Variants in MCM3AP observed in about 807,000 individuals in gnomAD.
MCM3AP encodes the protein germinal-center associated nuclear protein.
Under a neutral mutation model 184.1 loss-of-function variants are expected in MCM3AP, and 126 were observed. That is an observed-to-expected ratio of 0.68 (90% confidence interval 0.59 to 0.79). MCM3AP has a LOEUF of 0.79. MCM3AP is among the 30% of genes least tolerant of loss of function. MCM3AP has a pLI of 0.00. For missense variants in MCM3AP, 2,496 were observed against 2,479.2 expected (o/e 1.01, Z -0.14); for synonymous variants, 1,002 against 979.3 (o/e 1.02, Z -0.43).
intron 6 of MCM3AP, 26 bp downstream of exon 6, chr21:46,275,160 C>A: frequency 3.1e-6 from 5 of 1,602,274 alleles, no homozygotes; most frequent in Non-Finnish European, 3.4e-6. Context: ...CCTGCCCACA[C>A]TCCACGGGGA....
intron 13 of MCM3AP, among the ~76,000 whole-genome samples, chr21:46,263,055 T>C (rs1011061385): frequency 2.8e-5 from 4 of 140,502 alleles, no homozygotes; most frequent in African/African-American, 8.0e-5. Flanking sequence ...CAAGGCCAGG[T>C]GCGGTGGCTC....
chr21:46,249,230 AACACCGGAGTGCAGTGGTGCGATC>A (rs2080830234), intron 20 of MCM3AP, among the ~76,000 whole-genome samples: 1 of 152,182 alleles, frequency 6.6e-6, no homozygotes, highest in African/African-American at 2.4e-5. Flanking sequence ...TTCCTCTGTC[AACACCGGAGTGCAGTGGTGCGATC>A]ACGGCTCACT....
At chr21:46,275,112 A>C (rs958708412) in intron 6 of MCM3AP, 74 bp downstream of exon 6, 6 of 1,482,160 alleles carry the variant, frequency 4.0e-6, no homozygotes, top group Non-Finnish European at 4.5e-6. Flanking sequence ...AAACACCCAA[A>C]TCAAGTATGT....
chr21:46,235,720 C>A (rs1017541305), intron 27 of MCM3AP, among the ~76,000 whole-genome samples: 11 of 152,178 alleles, frequency 7.2e-5, no homozygotes, highest in African/African-American at 2.7e-4. Context: ...TTACTGCAGC[C>A]TCAAACTCCT....
intron 23 of MCM3AP, 77 bp from the exon 24 acceptor site, chr21:46,243,799 G>A (rs779338116): frequency 2.2e-5 from 32 of 1,462,346 alleles, no homozygotes; most frequent in Non-Finnish European, 2.9e-5. Context: ...ATTTTCTCAG[G>A]AGAAGGCAAC....
chr21:46,241,892 T>C (rs900435141), intron 25 of MCM3AP: 1 of 152,130 alleles, frequency 6.6e-6, no homozygotes, highest in Non-Finnish European at 1.5e-5. Context: ...AGATGAACAG[T>C]TTTTAGAGTA....
In MCM3AP at chr21:46,266,982, C is replaced by T; in HGVS notation, c.2789G>A (p.Gly930Asp). 1 of 1,614,074 alleles carries T rather than the reference C, an allele frequency of 6.2e-7. No individual in the cohort carries two copies. Among genetic ancestry groups the T allele is most frequent in the Non-Finnish European group, 8.5e-7 (1 of 1,179,998 alleles). Residue 930 changes from glycine (G) to aspartate (D), a missense_variant and splice_region_variant, in exon 10 of 28, where the codon GGC becomes GAC. Physicochemically the swap from Gly to Asp is moderately conservative, Grantham distance 94. Coordinates refer to ENST00000291688, the MANE Select transcript of MCM3AP (RefSeq NM_003906.5). ...LTCHGLTVSD[G>D]CVELNRSAFL... The stretch of plus-strand genomic sequence containing the variant: ...CCACAGTTCCATTCTCAGCTCTTAC[C>T]CGTCGGAAACGGTGAGGCCGTGGCA...
rs142544536 is a variant in MCM3AP at position 46,284,139 on chromosome 21, G to T, written c.1148C>A (p.Ser383Tyr). The T allele has an allele frequency of 6.2e-7, 1 of 1,614,112 alleles. No individual in the cohort carries two copies. The highest frequency in any genetic ancestry group is 1.3e-5 in the African/African-American group (1 of 74,938). The change falls in exon 1 of 28, where the codon TCT becomes TAT. Residue 383 changes from serine to tyrosine, a missense_variant. Physicochemically the swap from Ser to Tyr is moderately radical, Grantham distance 144. This residue lies in a region of MCM3AP where 800 missense variants were observed against 717.1 expected (regional missense o/e 1.12). Coordinates refer to ENST00000291688, the MANE Select transcript of MCM3AP (RefSeq NM_003906.5). The stretch of plus-strand genomic sequence containing the variant: ...TGGAATCCGGGAAGGTGCCAGGACA[G>T]ACTGATTCCCTCCTGGGATAGCCAT... ...DHMAIPGGNQ[S>Y]VLAPSRIPGV...
chr21:46,242,078 T>C (rs975091952), intron 25 of MCM3AP: 24 of 152,316 alleles, frequency 1.6e-4, no homozygotes, highest in African/African-American at 5.3e-4. Flanking sequence ...AGAATGGTTC[T>C]ATGGACTTGA....
intron 20 of MCM3AP, chr21:46,247,126 T>A: frequency 2.4e-6 from 1 of 422,516 alleles, no homozygotes; most frequent in East Asian, 3.7e-5. Context: ...CCTCAACCTT[T>A]TTTTTTTTTT....
chr21:46,277,912 TTAATA>T (rs1238452480), intron 4 of MCM3AP, among the ~76,000 whole-genome samples, 195 bp from the exon 5 acceptor site: 1 of 152,158 alleles, frequency 6.6e-6, no homozygotes, highest in African/African-American at 2.4e-5. Context: ...CTCACTGACT[TTAATA>T]TAATTTTGAA....
intron 19 of MCM3AP, 124 bp downstream of exon 19, chr21:46,254,267 AT>A (rs780592125): frequency 8.1e-6 from 8 of 987,430 alleles, no homozygotes; most frequent in East Asian, 4.9e-5. Context: ...AAATCCAAGC[AT>A]TAAAACATAA....
intron 9 of MCM3AP, 187 bp from the exon 10 acceptor site, chr21:46,267,329 T>C (rs1224217605): frequency 1.4e-5 from 8 of 584,708 alleles, no homozygotes; most frequent in Non-Finnish European, 2.1e-5. Context: ...TCAGGGGCAG[T>C]GCTCAGGAAT....
At position 46,267,134 on chromosome 21, in the gene MCM3AP, C is replaced by T. The variant is rs1329501359; in HGVS notation, c.2637G>A (p.Lys879=). The part of the protein sequence containing the change: ...LLHCYFSQIR[K]DALRALNFAY... ...CAAAGTTGAGCGCCCGGAGAGCATC[C>T]TTGCGGATCTGAGAGGAGGAGCGAA... The change falls in exon 10 of 28, where the codon AAG becomes AAA. Residue 879 remains lysine, a synonymous_variant. Coordinates refer to ENST00000291688, the MANE Select transcript of MCM3AP (RefSeq NM_003906.5). 1 of 1,613,460 alleles carries T rather than the reference C, an allele frequency of 6.2e-7. No homozygotes were observed. Among genetic ancestry groups the T allele is most frequent in the South Asian group, 1.1e-5 (1 of 90,894 alleles).
chr21:46,261,202 A>G, intron 14 of MCM3AP, 78 bp downstream of exon 14: 1 of 1,541,264 alleles, frequency 6.5e-7, no homozygotes, highest in Non-Finnish European at 8.9e-7. Context: ...CAATAGCAGG[A>G]GCATCGTGGC....
intron 9 of MCM3AP, 26 bp downstream of exon 9, chr21:46,270,375 T>C: frequency 1.3e-6 from 2 of 1,588,894 alleles, no homozygotes; most frequent in South Asian, 1.2e-5. Context: ...TTCTTCCAAC[T>C]CTGCAAGCAC....
intron 2 of MCM3AP, 85 bp downstream of exon 2, chr21:46,283,530 A>G: frequency 2.4e-6 from 2 of 849,236 alleles, no homozygotes; most frequent in Non-Finnish European, 3.8e-6. Context: ...GTAAGCAAAC[A>G]ACTGAGGGAC....
chr21:46,279,214 G>A (rs1255682304), intron 4 of MCM3AP, among the ~76,000 whole-genome samples: 1 of 151,938 alleles, frequency 6.6e-6, no homozygotes, highest in East Asian at 1.9e-4. Context: ...CTTGAACCCA[G>A]GAGGCAGAGG....
chr21:46,243,436 C>G, intron 24 of MCM3AP, 29 bp downstream of exon 24: 1 of 1,572,848 alleles, frequency 6.4e-7, no homozygotes, highest in Non-Finnish European at 8.6e-7. Flanking sequence ...TCGTGAGGAG[C>G]TGATCCCATT....
Sources: gnomAD v4.1 joint callset for allele counts (sites outside exome capture counted in the v4.1 genomes callset) on GRCh38, gnomAD v4.1.1 for gene constraint, gnomAD v4.1.1 regional missense constraint, MANE v1.5 for transcripts, NCBI Gene and HGNC (gene_info 2026-07-23, HGNC 2026-07-21) for gene names.